GNG4: variants seen among roughly 807,000 people sequenced by gnomAD.
The protein encoded by GNG4 is guanine nucleotide-binding protein G(I)/G(S)/G(O) subunit gamma-4.
A neutral mutation model predicts 5.8 loss-of-function variants in GNG4; 4 were observed. The observed-to-expected ratio is 0.69, with a 90% CI of 0.34 to 1.57. The LOEUF (loss-of-function observed/expected upper bound fraction) is 1.57. Ranked by LOEUF, GNG4 falls within the 40% of genes most tolerant of loss-of-function variation. GNG4 has a pLI of 0.06. For missense variants in GNG4, 96 were observed against 95.1 expected (o/e 1.01, Z -0.04); for synonymous variants, 29 against 32.9 (o/e 0.88, Z 0.41).
chr1:235,572,561 G>A (rs190927497), intron 3 of GNG4, among the ~76,000 whole-genome samples: 12 of 145,976 alleles, frequency 8.2e-5, no homozygotes, highest in Admixed American at 2.9e-4. Context: ...GAGTGAGGTG[G>A]TATGTTCTCA....
intron 2 of GNG4, among the ~76,000 whole-genome samples, chr1:235,595,042 G>A (rs1180399463): frequency 2.0e-5 from 3 of 152,186 alleles, no homozygotes; most frequent in Non-Finnish European, 4.4e-5. Flanking sequence ...GAACAAGGAA[G>A]CTCACTGCAA....
At chr1:235,639,432 A>G (rs1420328459) in intron 1 of GNG4, among the ~76,000 whole-genome samples, 1 of 152,198 alleles carries the variant, frequency 6.6e-6, no homozygotes, top group East Asian at 1.9e-4. Flanking sequence ...CTGTGCCCCA[A>G]TAGTTCCATC....
intron 2 of GNG4, among the ~76,000 whole-genome samples, chr1:235,594,025 T>C (rs907665819): frequency 1.6e-4 from 24 of 152,242 alleles, no homozygotes; most frequent in South Asian, 2.1e-4. Flanking sequence ...AGAGAGCTGA[T>C]TGGTCTGTTT....
rs181055705 is a variant in GNG4 at position 235,587,916 on chromosome 1, A to G, written c.-10-4068T>C. On this transcript the variant is annotated intron_variant, in intron 2 of 3. Coordinates refer to ENST00000391854, the MANE Select transcript of GNG4 (RefSeq NM_001098722.2). ...GTGTCTGGAGTGTGAGTGTGTGGGT[A>G]TAAGTGTGAGTCCTTGAGGATGTGT... 5.5e-3 allele frequency among the ~76,000 whole-genome samples: 492 copies of G among 89,244 alleles called. 2 individuals carry two copies. The highest frequency in any genetic ancestry group is 0.018 in the African/African-American group (453 of 25,460). The allele number at this position is 89,244 out of a possible 152,430, so 58.5% of individuals were successfully genotyped here.
At chr1:235,598,029 C>A (rs1688165358) in intron 1 of GNG4, among the ~76,000 whole-genome samples, 3 of 152,158 alleles carry the variant, frequency 2.0e-5, no homozygotes, top group African/African-American at 7.2e-5. Flanking sequence ...CTACCCAAGA[C>A]CCCACCCAGA....
chr1:235,593,936 T>C (rs759322352), intron 2 of GNG4, among the ~76,000 whole-genome samples: 1 of 152,196 alleles, frequency 6.6e-6, no homozygotes. Flanking sequence ...CCCAAGCAGA[T>C]TACCCCAGCT....
intron 1 of GNG4, among the ~76,000 whole-genome samples, chr1:235,602,000 A>G (rs1050184625): frequency 6.6e-6 from 1 of 152,150 alleles, no homozygotes; most frequent in Non-Finnish European, 1.5e-5. Context: ...GGCCAGGCAC[A>G]GTGGCTCACG....
At chr1:235,640,774 G>A (rs1231392951) in intron 1 of GNG4, among the ~76,000 whole-genome samples, 1 of 152,240 alleles carries the variant, frequency 6.6e-6, no homozygotes, top group Non-Finnish European at 1.5e-5. Flanking sequence ...TCCAGGAAGA[G>A]TCAAATTGCC....
intron 3 of GNG4, among the ~76,000 whole-genome samples, chr1:235,553,359 T>C (rs1686804298): frequency 6.6e-6 from 1 of 152,232 alleles, no homozygotes; most frequent in Non-Finnish European, 1.5e-5. Flanking sequence ...ATTAGGCTGT[T>C]CTGCCTGCGA....
chr1:235,548,767 G>A lies in GNG4; in HGVS notation c.*3342C>T, dbSNP rs1686653689. 1 of 152,252 alleles carries A rather than the reference G, an allele frequency of 6.6e-6. No individual in the cohort carries two copies. The highest frequency in any genetic ancestry group is 1.5e-5 in the Non-Finnish European group (1 of 68,088). The allele number at this position is 152,252 out of a possible 1,614,324, so 9.4% of individuals were successfully genotyped here. On this transcript the variant is annotated 3_prime_UTR_variant, in exon 4 of 4. Transcript: ENST00000391854. ...ACAGTTAAGCTGAAAACACAAAAAT[G>A]ACAACTGTCCCCACAGCTGCACTCC...
At chr1:235,646,839 C>G (rs1330118518) in intron 1 of GNG4, among the ~76,000 whole-genome samples, 1 of 152,232 alleles carries the variant, frequency 6.6e-6, no homozygotes, top group African/African-American at 2.4e-5. Flanking sequence ...CTGAACTGAT[C>G]TCTTTTTAAG....
intron 1 of GNG4, among the ~76,000 whole-genome samples, chr1:235,636,138 C>T (rs368133263): frequency 6.6e-6 from 1 of 152,122 alleles, no homozygotes; most frequent in African/African-American, 2.4e-5. Flanking sequence ...GGAGAATATC[C>T]TGAGAGACAG....
chr1:235,613,012 G>C (rs1035900189), intron 1 of GNG4, among the ~76,000 whole-genome samples: 3 of 151,882 alleles, frequency 2.0e-5, no homozygotes, highest in African/African-American at 7.3e-5. Context: ...AAGGGCACAA[G>C]TCCAATTCAT....
chr1:235,590,043 T>C (rs529039307), intron 2 of GNG4, among the ~76,000 whole-genome samples: 1 of 152,362 alleles, frequency 6.6e-6, no homozygotes, highest in Non-Finnish European at 1.5e-5. Context: ...TCCACGTCTC[T>C]GGCGCTTTTC....
chr1:235,579,901 G>A (rs1047175003), intron 3 of GNG4, among the ~76,000 whole-genome samples: 4 of 147,470 alleles, frequency 2.7e-5, no homozygotes, highest in Admixed American at 2.0e-4. Context: ...CTATGATCCA[G>A]CAATTCCACT....
chr1:235,594,649 C>T, intron 2 of GNG4, among the ~76,000 whole-genome samples: 1 of 152,184 alleles, frequency 6.6e-6, no homozygotes, highest in Non-Finnish European at 1.5e-5. Flanking sequence ...CCCCTCACTG[C>T]CCGGGGCTTG....
chr1:235,612,851 T>C (rs1688510201), intron 1 of GNG4, among the ~76,000 whole-genome samples: 1 of 152,132 alleles, frequency 6.6e-6, no homozygotes, highest in African/African-American at 2.4e-5. Flanking sequence ...CAAAATTTAT[T>C]CTCACAGTTC....
At chr1:235,610,321 C>T (rs987586555) in intron 1 of GNG4, among the ~76,000 whole-genome samples, 1 of 152,146 alleles carries the variant, frequency 6.6e-6, no homozygotes, top group African/African-American at 2.4e-5. Context: ...ATCCAGTAGC[C>T]CAAGATGTCA....
At chr1:235,643,517 C>T (rs1419563440) in intron 1 of GNG4, among the ~76,000 whole-genome samples, 1 of 152,224 alleles carries the variant, frequency 6.6e-6, no homozygotes. Context: ...TTCCCTGTCA[C>T]CAGTGCCTAA....
Sources: gnomAD v4.1 joint callset for allele counts (sites outside exome capture counted in the v4.1 genomes callset) on GRCh38, gnomAD v4.1.1 for gene constraint, MANE v1.5 for transcripts, NCBI Gene and HGNC (gene_info 2026-07-23, HGNC 2026-07-21) for gene names.